The following CD2AP variants were observed in gnomAD, a reference collection of about 807,000 sequenced individuals.
The protein encoded by CD2AP is CD2 associated protein.
A neutral mutation model predicts 85.1 loss-of-function variants in CD2AP; 46 were observed. The observed-to-expected ratio is 0.54, with a 90% CI of 0.43 to 0.69. The LOEUF (loss-of-function observed/expected upper bound fraction) is 0.69, where lower values mean the gene tolerates loss of function less well. Ranked by LOEUF, CD2AP falls within the 30% of genes least tolerant of loss-of-function variation. The pLI, the probability that CD2AP is intolerant of heterozygous loss-of-function variation, is 0.00. For synonymous variants in CD2AP, 255 were observed against 252.9 expected, an observed-to-expected ratio of 1.01 and a Z score of -0.08; for missense variants, 769 against 729.5, an observed-to-expected ratio of 1.05 and a Z score of -0.62.
At chr6:47,618,513 T>C (rs996181670) in intron 17 of CD2AP, among the ~76,000 whole-genome samples, 1 of 152,218 alleles carries the variant, frequency 6.6e-6, no homozygotes, top group Admixed American at 6.5e-5. Flanking sequence ...TATATACATA[T>C]TAGATATCTA....
At chr6:47,599,589 C>A in intron 13 of CD2AP, 146 bp downstream of exon 13, 1 of 759,118 alleles carries the variant, frequency 1.3e-6, no homozygotes, top group Non-Finnish European at 2.2e-6. Context: ...AATTTAGCAG[C>A]CAAAGTAGAA....
At chr6:47,492,848 T>G (rs1165235569) in intron 1 of CD2AP, among the ~76,000 whole-genome samples, 1 of 152,198 alleles carries the variant, frequency 6.6e-6, no homozygotes, top group Non-Finnish European at 1.5e-5. Flanking sequence ...TTTGAGTGTT[T>G]TATATGATTC....
intron 4 of CD2AP, among the ~76,000 whole-genome samples, chr6:47,549,807 TTATAC>T (rs1308701518): frequency 6.6e-6 from 1 of 152,032 alleles, no homozygotes; most frequent in Non-Finnish European, 1.5e-5. Flanking sequence ...TGATTTCAAA[TTATAC>T]TATAAGGCCA....
At chr6:47,548,701 TG>T (rs2114052242) in intron 4 of CD2AP, among the ~76,000 whole-genome samples, 1 of 152,292 alleles carries the variant, frequency 6.6e-6, no homozygotes, top group South Asian at 2.1e-4. Flanking sequence ...TAAATCATTC[TG>T]TGAAGCTAGT....
intron 4 of CD2AP, among the ~76,000 whole-genome samples, chr6:47,545,691 G>A (rs931253277): frequency 1.3e-5 from 2 of 152,112 alleles, no homozygotes; most frequent in African/African-American, 4.8e-5. Context: ...TTCACATCAC[G>A]GGACTCTGTG....
intron 1 of CD2AP, among the ~76,000 whole-genome samples, chr6:47,500,061 C>G (rs1343066210): frequency 6.6e-6 from 1 of 152,190 alleles, no homozygotes. Flanking sequence ...ATTAGCAAGT[C>G]AGGAACTGCC....
rs190028500 is a variant in CD2AP at position 47,566,391 on chromosome 6, T to G, written c.542-7673T>G. On this transcript the variant is annotated intron_variant, in intron 5 of 17. Coordinates refer to ENST00000359314, the MANE Select transcript of CD2AP (RefSeq NM_012120.3). ...TCATTGTCTAGAATGGTCTCTGATA[T>G]GTTGATGCTCAGTGAAACAGTGAAT... Among the ~76,000 whole-genome samples the G allele has an allele frequency of 2.0e-5, 3 of 151,220 alleles. No homozygotes were observed. In the South Asian group the frequency reaches 6.3e-4, roughly 32 times the overall value.
intron 2 of CD2AP, among the ~76,000 whole-genome samples, chr6:47,522,832 A>G (rs1172593332): frequency 1.3e-5 from 2 of 151,780 alleles, no homozygotes; most frequent in Non-Finnish European, 2.9e-5. Flanking sequence ...AATGTAAATT[A>G]TATTTACATT....
At chr6:47,615,889 C>T (rs1259131545) in intron 17 of CD2AP, among the ~76,000 whole-genome samples, 1 of 150,634 alleles carries the variant, frequency 6.6e-6, no homozygotes, top group Non-Finnish European at 1.5e-5. Flanking sequence ...ACTCCGTTCT[C>T]CCACCTCGGT....
intron 5 of CD2AP, among the ~76,000 whole-genome samples, chr6:47,561,461 A>G (rs575922448): frequency 6.6e-6 from 1 of 151,642 alleles, no homozygotes; most frequent in Middle Eastern, 3.5e-3. Context: ...TCAGCTACCT[A>G]TCAAGGCAAA....
chr6:47,517,012 G>T (rs186752964), intron 2 of CD2AP, among the ~76,000 whole-genome samples: 1 of 152,146 alleles, frequency 6.6e-6, no homozygotes, highest in Non-Finnish European at 1.5e-5. Flanking sequence ...GGCCTGGTGG[G>T]AGGTGATTGA....
chr6:47,612,325 A>T lies in CD2AP; in HGVS notation c.1815-148A>T, dbSNP rs889839777. ...TATATTGAACCATTCTAACTAGAGA[A>T]TCTTACATTTTTCTTAATTAACATT... is the stretch of plus-strand genomic sequence containing the variant. On this transcript the variant is annotated intron_variant, in intron 16 of 17. Transcript: ENST00000359314. The T allele has an allele frequency of 6.4e-6, 4 of 624,696 alleles. No homozygotes were observed. In the South Asian group the frequency reaches 7.5e-5, roughly 12 times the overall value. The allele number at this position is 624,696 out of a possible 1,614,324, so 38.7% of individuals were successfully genotyped here. A position where few individuals can be genotyped will look rare whatever the true frequency, so the allele number is the denominator to read the frequency against.
At chr6:47,590,975 A>G (rs1347357432) in intron 11 of CD2AP, among the ~76,000 whole-genome samples, 3 of 152,304 alleles carry the variant, frequency 2.0e-5, no homozygotes, top group Non-Finnish European at 2.9e-5. Flanking sequence ...AAACTTCCAT[A>G]CTACCCAAAG....
intron 2 of CD2AP, among the ~76,000 whole-genome samples, chr6:47,513,108 T>A (rs993778971): frequency 6.6e-6 from 1 of 151,742 alleles, no homozygotes. Context: ...AGCAAGAAAA[T>A]GGAAGCAGCT....
At chr6:47,533,777 T>C (rs1427505785) in intron 3 of CD2AP, 22 bp downstream of exon 3, 6 of 1,610,140 alleles carry the variant, frequency 3.7e-6, no homozygotes, top group Non-Finnish European at 5.1e-6. Flanking sequence ...ATTCCTTTCC[T>C]GCATAATTAC....
intron 16 of CD2AP, 156 bp downstream of exon 16, chr6:47,609,460 T>G (rs1769366969): frequency 3.2e-6 from 2 of 615,648 alleles, no homozygotes; most frequent in Non-Finnish European, 5.8e-6. Flanking sequence ...GAGGATTGCT[T>G]GAGTCCAGGA....
At chr6:47,613,794 A>T (rs1769508402) in intron 17 of CD2AP, among the ~76,000 whole-genome samples, 1 of 152,194 alleles carries the variant, frequency 6.6e-6, no homozygotes, top group Non-Finnish European at 1.5e-5. Flanking sequence ...CCTAGATGAT[A>T]TCTTCTTTCA....
intron 4 of CD2AP, among the ~76,000 whole-genome samples, chr6:47,547,598 C>G (rs1767400607): frequency 6.6e-6 from 1 of 152,194 alleles, no homozygotes; most frequent in African/African-American, 2.4e-5. Flanking sequence ...CAATACTCCA[C>G]TGACAGCATT....
At chr6:47,612,594 C>T in intron 17 of CD2AP, 58 bp downstream of exon 17, 1 of 1,219,652 alleles carries the variant, frequency 8.2e-7, no homozygotes, top group East Asian at 2.4e-5. Context: ...CATGTTTTTC[C>T]CAACCCAACT....
Sources: gnomAD v4.1 joint callset for allele counts (sites outside exome capture counted in the v4.1 genomes callset) on GRCh38, gnomAD v4.1.1 for gene constraint, MANE v1.5 for transcripts, NCBI Gene and HGNC (gene_info 2026-07-23, HGNC 2026-07-21) for gene names.